The following ZNF705D variants were observed in gnomAD, a reference collection of about 807,000 sequenced individuals.
The protein encoded by ZNF705D is putative zinc finger protein 705C.
For synonymous variants in ZNF705D, 1 was observed against 43.8 expected, an observed-to-expected ratio of 0.02 and a Z score of 3.86; for missense variants, 6 against 129.4, an observed-to-expected ratio of 0.05 and a Z score of 4.63.
the ZNF705D span, among the ~76,000 whole-genome samples, chr8:12,090,112 A>G: frequency 1.2e-5 from 1 of 86,828 alleles, no homozygotes; most frequent in African/African-American, 2.8e-5. Context: ...GTTCAGCTAG[A>G]GAGGTTCTTC....
upstream of ZNF705D, among the ~76,000 whole-genome samples, chr8:12,102,730 AGGCTT>A (rs1456212534): frequency 2.6e-5 from 1 of 37,836 alleles, no homozygotes; most frequent in Non-Finnish European, 6.9e-5. Flanking sequence ...TGTGATGCTG[AGGCTT>A]GGAGTATGGA....
At chr8:12,089,801 C>A in the ZNF705D span, among the ~76,000 whole-genome samples, 1 of 58,986 alleles carries the variant, frequency 1.7e-5, no homozygotes, top group African/African-American at 3.0e-5. Context: ...AGTTGTGTAC[C>A]TAGAAGGATT....
intron 1 of ZNF705D, among the ~76,000 whole-genome samples, chr8:12,109,402 T>G (rs1191591822): frequency 1.1e-5 from 1 of 90,186 alleles, no homozygotes; most frequent in African/African-American, 2.9e-5. Flanking sequence ...TTCTATTAGT[T>G]CATTAGATTA....
chr8:12,095,753 T>TACACACACACACAC, the ZNF705D span, among the ~76,000 whole-genome samples: 4 of 27,606 alleles, frequency 1.4e-4, no homozygotes, highest in Admixed American at 6.4e-4. Flanking sequence ...TTTTTACTCC[T>TACACACACACACAC]ACACACACAC....
chr8:12,089,886 G>A, the ZNF705D span, among the ~76,000 whole-genome samples: 10 of 44,742 alleles, frequency 2.2e-4, 2 homozygotes, highest in African/African-American at 3.5e-4. Flanking sequence ...GCTGAAAGGC[G>A]GGTCTCACTC....
chr8:12,095,785 C>CACAG, the ZNF705D span, among the ~76,000 whole-genome samples: 1 of 44,724 alleles, frequency 2.2e-5, no homozygotes, highest in African/African-American at 9.3e-5. Context: ...CACACACACA[C>CACAG]ACACACACAC....
At position 12,109,401 on chromosome 8, in the gene ZNF705D, T is replaced by G. The variant is rs868777682; in HGVS notation, c.13-499T>G. Reference sequence around the variant, plus strand: ...AGGTAGGAAACACATTTTCTATTAGTTCATTAGATTATTCAAAACACATCA... The same window carrying G: ...AGGTAGGAAACACATTTTCTATTAGGTCATTAGATTATTCAAAACACATCA... On this transcript the variant is annotated intron_variant, in intron 1 of 4. Coordinates refer to ENST00000400078, the Ensembl canonical transcript of ZNF705D. Among the ~76,000 whole-genome samples, 705 of 90,050 alleles carry G rather than the reference T, an allele frequency of 7.8e-3. 17 individuals are homozygous for G. The highest frequency in any genetic ancestry group is 0.019 in the African/African-American group (644 of 34,372). The allele number at this position is 90,050 out of a possible 152,430, so 59.1% of individuals were successfully genotyped here.
Position 12,110,262 on chromosome 8 carries a change from G to T in ZNF705D, c.139+236G>T, listed in dbSNP as rs1355111846. Among the ~76,000 whole-genome samples the T allele has an allele frequency of 2.3e-4, 15 of 64,926 alleles. 5 individuals are homozygous for T. Among genetic ancestry groups the T allele is most frequent in the African/African-American group, 3.7e-4 (10 of 27,140 alleles). 42.6% of individuals were successfully genotyped at this position (64,926 alleles called of 152,430 possible). A position where few individuals can be genotyped will look rare whatever the true frequency, so the allele number is the denominator to read the frequency against. On this transcript the variant is annotated intron_variant, in intron 2 of 4. Coordinates refer to ENST00000400078, the Ensembl canonical transcript of ZNF705D. ...GTAATCTTGACAAGTATTTCATGGT[G>T]TCTTTGGTACTCAGTCTCTAATACT...
At chr8:12,090,732 G>C in the ZNF705D span, among the ~76,000 whole-genome samples, 2 of 52,492 alleles carry the variant, frequency 3.8e-5, no homozygotes, top group African/African-American at 7.4e-5. Flanking sequence ...CTGTATATTG[G>C]ATCTTTGTCG....
chr8:12,109,442 TTTGA>T (rs1251409607), intron 1 of ZNF705D, among the ~76,000 whole-genome samples: 1 of 87,058 alleles, frequency 1.1e-5, no homozygotes, highest in African/African-American at 2.9e-5. Flanking sequence ...CTTTTAACCA[TTTGA>T]TTGGGGAGAA....
intron 1 of ZNF705D, among the ~76,000 whole-genome samples, chr8:12,109,020 T>A (rs1368443799): frequency 3.2e-5 from 3 of 93,416 alleles, no homozygotes; most frequent in African/African-American, 6.0e-5. Context: ...ATGAAGAGGC[T>A]TTCTTAATCT....
At chr8:12,095,367 A>AT in the ZNF705D span, 1 of 220,536 alleles carries the variant, frequency 4.5e-6, no homozygotes, top group Non-Finnish European at 6.4e-6. Context: ...TATTGTAAGC[A>AT]TTCATCAGTC....
chr8:12,109,008 CAATG>C (rs1802238432), intron 1 of ZNF705D, among the ~76,000 whole-genome samples: 1 of 94,918 alleles, frequency 1.1e-5, no homozygotes, highest in Middle Eastern at 6.0e-3. Flanking sequence ...AAAAAAAAAA[CAATG>C]AAGAGGCTTT....
At chr8:12,103,549 C>T (rs1464710588), upstream of ZNF705D, among the ~76,000 whole-genome samples, 3 of 77,352 alleles carry the variant, frequency 3.9e-5, no homozygotes, top group African/African-American at 9.1e-5. Context: ...GGAGCGTTTC[C>T]GGCTTGCACA....
At chr8:12,107,787 CAT>C (rs1427444335), upstream of ZNF705D, among the ~76,000 whole-genome samples, 1 of 44,550 alleles carries the variant, frequency 2.2e-5, no homozygotes, top group African/African-American at 7.1e-5. Context: ...AGGTGGAAAT[CAT>C]ATTCCACATG....
chr8:12,113,037 G>C, exon 5 of ZNF705D: 1 of 1,320,792 alleles, frequency 7.6e-7, no homozygotes, highest in Non-Finnish European at 1.0e-6. Flanking sequence ...TGTGATAAAA[G>C]TGGGAAAGCC....
At chr8:12,091,737 G>A in the ZNF705D span, among the ~76,000 whole-genome samples, 58 of 2,824 alleles carry the variant, frequency 0.021, 3 homozygotes, top group African/African-American at 0.034. Context: ...TCAGCCTCCC[G>A]AGTAGCTGGG....
chr8:12,112,909 T>C lies in ZNF705D; in HGVS notation c.654T>C (p.His218=), dbSNP rs1453373482. 12 of 933,022 alleles carry C rather than the reference T, an allele frequency of 1.3e-5. 2 individuals carry two copies. Among genetic ancestry groups the C allele is most frequent in the South Asian group, 3.5e-5 (2 of 57,420 alleles). 57.8% of individuals were successfully genotyped at this position (933,022 alleles called of 1,614,324 possible). A position where few individuals can be genotyped will look rare whatever the true frequency, so the allele number is the denominator to read the frequency against. ...CTCAGTGTTCTCACCTTAGAAGACA[T>C]GAGAAAACTCACACGGGAGAGAGAC... Residue 218 remains histidine (H), a synonymous_variant, in exon 5 of 5, where the codon CAT becomes CAC. Coordinates refer to ENST00000400078, the Ensembl canonical transcript of ZNF705D.
chr8:12,090,747 C>A, the ZNF705D span, among the ~76,000 whole-genome samples: 1 of 55,040 alleles, frequency 1.8e-5, no homozygotes, highest in African/African-American at 3.6e-5. Context: ...TTGTCGAATG[C>A]ATAGCTTGCA....
Sources: allele counts gnomAD v4.1 joint callset (sites outside exome capture counted in the v4.1 genomes callset), GRCh38; gene constraint gnomAD v4.1.1; transcripts MANE v1.5; gene names NCBI Gene and HGNC (gene_info 2026-07-23, HGNC 2026-07-21).